The following BBS9 variants were observed in gnomAD, a reference collection of about 807,000 sequenced individuals.
BBS9 encodes the protein Bardet-Biedl syndrome 9.
A neutral mutation model predicts 117.7 loss-of-function variants in BBS9; 89 were observed. The observed-to-expected ratio is 0.76, with a 90% confidence interval of 0.64 to 0.90. BBS9 has a LOEUF of 0.90. Among genes scored for constraint, BBS9 ranks in the 40% least tolerant of loss-of-function variants. BBS9 has a pLI of 0.00. For synonymous variants in BBS9, 379 were observed against 370.9 expected (o/e 1.02, Z -0.25); for missense variants, 982 against 1,042.2 (o/e 0.94, Z 0.80).
intron 21 of BBS9, among the ~76,000 whole-genome samples, chr7:33,560,781 C>G (rs1356355199): frequency 6.6e-6 from 1 of 152,196 alleles, no homozygotes; most frequent in Admixed American, 6.5e-5. Context: ...CCACAGCCCT[C>G]TCAATTATGT....
intron 19 of BBS9, among the ~76,000 whole-genome samples, chr7:33,391,312 G>A (rs963062716): frequency 2.0e-5 from 3 of 152,008 alleles, no homozygotes; most frequent in African/African-American, 7.3e-5. Context: ...TTTTCCCAAC[G>A]TACCGCTTTA....
chr7:33,275,062 A>T (rs961992931), intron 9 of BBS9, among the ~76,000 whole-genome samples: 4 of 150,526 alleles, frequency 2.7e-5, no homozygotes, highest in African/African-American at 9.8e-5. Flanking sequence ...TCTCATCAGG[A>T]TGGAGTTGTT....
rs1829148487 is a variant in BBS9 at position 33,402,864 on chromosome 7, T to C, written c.2115+14720T>C. Among the ~76,000 whole-genome samples, 2 of 152,044 alleles carry C rather than the reference T, an allele frequency of 1.3e-5. 1 individual carries two copies. Among genetic ancestry groups the C allele is most frequent in the Middle Eastern group, 6.8e-3 (2 of 294 alleles). The stretch of plus-strand genomic sequence containing the variant: ...CTCTCTTCCTTCCTCCCCACTCTTA[T>C]ATCGCTCCAGTGTCTGTTGTTCCTA... On this transcript the variant is annotated intron_variant, in intron 19 of 22. Coordinates refer to ENST00000242067, the MANE Select transcript of BBS9 (RefSeq NM_198428.3).
At position 33,273,853 on chromosome 7, in the gene BBS9, A is replaced by G. The variant is rs1292179625; in HGVS notation, c.913A>G (p.Ile305Val). ...SVSEGTINTL[I>V]GNHNNMLHIY... ...TTCTGAAGGAACAATAAATACTTTGATTGGAAATCATAATAACATGCTGCA... is the reference window on the plus strand; with the variant it reads ...TTCTGAAGGAACAATAAATACTTTGGTTGGAAATCATAATAACATGCTGCA... The change falls in exon 9 of 23, where the codon ATT (isoleucine) becomes GTT (valine). Residue 305 changes from isoleucine (I) to valine (V), a missense_variant. By Grantham distance (29) the Ile-to-Val change is conservative. Coordinates refer to ENST00000242067, the MANE Select transcript of BBS9 (RefSeq NM_198428.3). 1 of 1,610,426 alleles carries G rather than the reference A, an allele frequency of 6.2e-7. No homozygotes were observed. Among genetic ancestry groups the G allele is most frequent in the Non-Finnish European group, 8.5e-7 (1 of 1,176,898 alleles).
intron 5 of BBS9, among the ~76,000 whole-genome samples, chr7:33,195,641 A>G (rs1285205851): frequency 1.3e-5 from 2 of 152,208 alleles, no homozygotes; most frequent in African/African-American, 4.8e-5. Flanking sequence ...ATTTGTGATA[A>G]TGTCCACAAA....
chr7:33,409,937 C>A (rs1204258492), intron 19 of BBS9, among the ~76,000 whole-genome samples: 2 of 151,964 alleles, frequency 1.3e-5, no homozygotes, highest in African/African-American at 4.8e-5. Context: ...CAAGCTTTTC[C>A]TATTTCACCA....
chr7:33,424,915 G>T (rs1414055160), intron 19 of BBS9, among the ~76,000 whole-genome samples: 1 of 151,984 alleles, frequency 6.6e-6, no homozygotes, highest in Non-Finnish European at 1.5e-5. Context: ...TCATGTTATG[G>T]TAAAAAAATT....
At chr7:33,250,594 T>G (rs1796072711) in intron 5 of BBS9, among the ~76,000 whole-genome samples, 1 of 152,166 alleles carries the variant, frequency 6.6e-6, no homozygotes, top group African/African-American at 2.4e-5. Context: ...TCCAAAACAG[T>G]GATTTGAAGG....
intron 12 of BBS9, 41 bp downstream of exon 12, chr7:33,344,675 G>A: frequency 6.4e-7 from 1 of 1,567,264 alleles, no homozygotes; most frequent in Non-Finnish European, 8.8e-7. Flanking sequence ...CAAACAATAT[G>A]ATTTATTTCA....
chr7:33,560,085 C>T (rs1855869010), intron 21 of BBS9, among the ~76,000 whole-genome samples: 2 of 152,152 alleles, frequency 1.3e-5, no homozygotes, highest in South Asian at 4.1e-4. Flanking sequence ...TATTATAGAG[C>T]TCTGTTTCCC....
At chr7:33,250,686 A>C (rs1461924199) in intron 5 of BBS9, among the ~76,000 whole-genome samples, 1 of 152,230 alleles carries the variant, frequency 6.6e-6, no homozygotes, top group African/African-American at 2.4e-5. Flanking sequence ...TGTAATAAAT[A>C]AAGCATTTTT....
intron 19 of BBS9, among the ~76,000 whole-genome samples, chr7:33,504,140 A>C (rs1487891232): frequency 1.3e-5 from 2 of 152,238 alleles, no homozygotes; most frequent in African/African-American, 4.8e-5. Flanking sequence ...GGAGTAGCAC[A>C]GTACTAGGCA....
At chr7:33,550,669 A>G (rs1854271666) in intron 21 of BBS9, among the ~76,000 whole-genome samples, 1 of 152,196 alleles carries the variant, frequency 6.6e-6, no homozygotes, top group Admixed American at 6.5e-5. Context: ...AACTTTTTCT[A>G]AAAACAATTT....
chr7:33,566,510 A>T (rs2129128760), intron 21 of BBS9, among the ~76,000 whole-genome samples: 1 of 152,166 alleles, frequency 6.6e-6, no homozygotes, highest in Non-Finnish European at 1.5e-5. Flanking sequence ...ACTTATAAGG[A>T]CCTTATAACT....
At chr7:33,249,959 T>C (rs904369245) in intron 5 of BBS9, among the ~76,000 whole-genome samples, 3 of 152,238 alleles carry the variant, frequency 2.0e-5, no homozygotes, top group Admixed American at 2.0e-4. Flanking sequence ...GGGTGCATCG[T>C]ATCTGTCATG....
At chr7:33,242,419 C>T (rs1010981214) in intron 5 of BBS9, among the ~76,000 whole-genome samples, 1 of 152,078 alleles carries the variant, frequency 6.6e-6, no homozygotes, top group African/African-American at 2.4e-5. Flanking sequence ...TACTGTATCT[C>T]ATTTGAGAGC....
chr7:33,526,552 C>T (rs1305027911), intron 20 of BBS9, among the ~76,000 whole-genome samples: 2 of 150,838 alleles, frequency 1.3e-5, no homozygotes, highest in African/African-American at 4.9e-5. Flanking sequence ...GCTCCTGAGG[C>T]TTCTGCATTC....
At chr7:33,222,352 T>C (rs1483394386) in intron 5 of BBS9, among the ~76,000 whole-genome samples, 2 of 152,182 alleles carry the variant, frequency 1.3e-5, no homozygotes, top group Non-Finnish European at 1.5e-5. Context: ...TGACATTTTA[T>C]TTATCCTGTG....
chr7:33,168,898 G>A (rs1796097417), intron 4 of BBS9, among the ~76,000 whole-genome samples: 1 of 151,746 alleles, frequency 6.6e-6, no homozygotes, highest in Non-Finnish European at 1.5e-5. Context: ...CCATGCTGGT[G>A]TGCTGCACCC....
Sources: gnomAD v4.1 joint callset for allele counts (sites outside exome capture counted in the v4.1 genomes callset) on GRCh38, gnomAD v4.1.1 for gene constraint, MANE v1.5 for transcripts, NCBI Gene and HGNC (gene_info 2026-07-23, HGNC 2026-07-21) for gene names.